Variants in SLCO2A1 observed in about 807,000 individuals in gnomAD.
SLCO2A1 encodes the protein matrin F/G 1.
In SLCO2A1, 60 loss-of-function variants were observed where a neutral mutation model predicts 71.7. The observed-to-expected ratio is 0.84, with a 90% CI of 0.68 to 1.04. The LOEUF is 1.04. Among genes scored for constraint, SLCO2A1 ranks in the 50% least tolerant of loss-of-function variants. The pLI, the probability that SLCO2A1 is intolerant of heterozygous loss-of-function variation, is 0.00. For missense variants in SLCO2A1, 745 were observed against 813.4 expected, an observed-to-expected ratio of 0.92 and a Z score of 1.02; for synonymous variants, 308 against 326.7, an observed-to-expected ratio of 0.94 and a Z score of 0.62.
chr3:133,977,213 T>C (rs1034248830), intron 2 of SLCO2A1, among the ~76,000 whole-genome samples: 1 of 152,196 alleles, frequency 6.6e-6, no homozygotes, highest in Non-Finnish European at 1.5e-5. Flanking sequence ...GAGTGAACTA[T>C]CTGATGATAT....
At chr3:133,997,029 G>C (rs1381905974) in intron 1 of SLCO2A1, among the ~76,000 whole-genome samples, 1 of 152,136 alleles carries the variant, frequency 6.6e-6, no homozygotes, top group African/African-American at 2.4e-5. Flanking sequence ...TGGATCATAA[G>C]AGGGTCACAT....
intron 1 of SLCO2A1, among the ~76,000 whole-genome samples, chr3:134,029,372 C>G (rs1212550830): frequency 6.6e-6 from 1 of 152,188 alleles, no homozygotes; most frequent in Non-Finnish European, 1.5e-5. Context: ...TTTCAATCAT[C>G]GAGGACAATT....
chr3:133,968,453 C>G (rs1174050358), intron 3 of SLCO2A1, among the ~76,000 whole-genome samples: 1 of 152,188 alleles, frequency 6.6e-6, no homozygotes, highest in Non-Finnish European at 1.5e-5. Context: ...CGGCCCTGTG[C>G]CTTCCCACCG....
intron 6 of SLCO2A1, among the ~76,000 whole-genome samples, chr3:133,949,719 C>T (rs778560847): frequency 5.3e-5 from 8 of 152,338 alleles, no homozygotes; most frequent in African/African-American, 7.2e-5. Context: ...TTCCTCACAA[C>T]GCTTTCCCAT....
rs146195307 is a variant in SLCO2A1 at position 133,947,260 on chromosome 3, G to T, written c.1291C>A (p.Pro431Thr). The stretch of plus-strand genomic sequence containing the variant: ...TCTACCCCTTATTCCCATTACCTAG[G>T]GGGGTAGACTTCGGCCACAGTTGGG... ...STPTVAEVYP[P>T]STSSSIHPQS... Residue 431 changes from proline (P) to threonine (T), a missense_variant, in exon 9 of 14, where the codon CCT (proline) becomes ACT (threonine). Coordinates refer to ENST00000310926, the MANE Select transcript of SLCO2A1 (RefSeq NM_005630.3). 204 of 1,613,724 alleles carry T rather than the reference G, an allele frequency of 1.3e-4. No homozygotes were observed. The African/African-American group carries it at 2.2e-3, about 18-fold the overall frequency.
At chr3:133,997,103 C>T (rs1254189037) in intron 1 of SLCO2A1, among the ~76,000 whole-genome samples, 2 of 152,102 alleles carry the variant, frequency 1.3e-5, no homozygotes, top group Admixed American at 1.3e-4. Context: ...CCTGAAGGGC[C>T]GCATCTCCTG....
intron 1 of SLCO2A1, among the ~76,000 whole-genome samples, chr3:134,010,081 AAGTGT>A (rs1264777959): frequency 2.6e-5 from 4 of 152,224 alleles, no homozygotes; most frequent in Non-Finnish European, 5.9e-5. Flanking sequence ...AAGAGGCCTC[AAGTGT>A]ATTTGCATTC....
chr3:133,951,839 T>C (rs1933753348), intron 5 of SLCO2A1, among the ~76,000 whole-genome samples: 1 of 152,206 alleles, frequency 6.6e-6, no homozygotes, highest in African/African-American at 2.4e-5. Flanking sequence ...TGTGTCTCCC[T>C]GGTATGCAAA....
intron 1 of SLCO2A1, among the ~76,000 whole-genome samples, chr3:134,002,758 C>A (rs555705379): frequency 5.9e-5 from 9 of 152,306 alleles, no homozygotes; most frequent in East Asian, 1.9e-4. Context: ...CTCCAGGCAC[C>A]GTACTTTAAG....
At chr3:133,973,441 A>C (rs958981296) in intron 3 of SLCO2A1, among the ~76,000 whole-genome samples, 2 of 152,224 alleles carry the variant, frequency 1.3e-5, no homozygotes, top group South Asian at 2.1e-4. Context: ...CATTCCTGGC[A>C]TGAAGCACAG....
chr3:134,011,107 A>G (rs188078980), intron 1 of SLCO2A1, among the ~76,000 whole-genome samples: 16 of 152,084 alleles, frequency 1.1e-4, no homozygotes, highest in South Asian at 1.0e-3. Context: ...CTGGAGTGCA[A>G]TGGCGCGATC....
At chr3:133,958,708 C>T (rs554698770) in intron 3 of SLCO2A1, among the ~76,000 whole-genome samples, 2 of 152,326 alleles carry the variant, frequency 1.3e-5, no homozygotes, top group African/African-American at 4.8e-5. Flanking sequence ...TTTGACCAAA[C>T]GGATGCATTT....
At chr3:134,010,616 T>C (rs1935315731) in intron 1 of SLCO2A1, among the ~76,000 whole-genome samples, 1 of 151,900 alleles carries the variant, frequency 6.6e-6, no homozygotes, top group Non-Finnish European at 1.5e-5. Flanking sequence ...TAGCTGGGCA[T>C]GGTGGCACGC....
intron 3 of SLCO2A1, among the ~76,000 whole-genome samples, chr3:133,957,628 C>T (rs1393045754): frequency 6.6e-6 from 1 of 152,162 alleles, no homozygotes; most frequent in Non-Finnish European, 1.5e-5. Flanking sequence ...GACATATGAG[C>T]TCTCTGACCT....
intron 3 of SLCO2A1, among the ~76,000 whole-genome samples, chr3:133,965,827 G>A (rs531948953): frequency 6.6e-6 from 1 of 152,094 alleles, no homozygotes; most frequent in South Asian, 2.1e-4. Flanking sequence ...AGGAAGCAAA[G>A]GCTCTGGGCT....
intron 11 of SLCO2A1, among the ~76,000 whole-genome samples, chr3:133,938,930 G>A (rs1576425033): frequency 6.6e-6 from 1 of 152,126 alleles, no homozygotes; most frequent in East Asian, 1.9e-4. Flanking sequence ...GATAGCAGCA[G>A]GTCTGAACAA....
rs758385584 is a variant in SLCO2A1 at position 133,979,543 on chromosome 3, T to C, written c.172A>G (p.Thr58Ala). The change falls in exon 2 of 14, where the codon ACC (threonine) becomes GCC (alanine). Residue 58 changes from threonine (T) to alanine (A), a missense_variant. Transcript: ENST00000310926. ...GAGAGCCCAAAGCGCTTCTCAATGG[T>C]GGTGAGGCTGCTCTTGAAGTAGGCG... is the stretch of plus-strand genomic sequence containing the variant. Reference protein sequence around the residue: ...YSAYFKSSLTTIEKRFGLSSS... With the variant: ...YSAYFKSSLTAIEKRFGLSSS... 57 of 1,613,942 alleles carry C rather than the reference T, an allele frequency of 3.5e-5. No individual in the cohort carries two copies. The highest frequency in any genetic ancestry group is 4.6e-5 in the Non-Finnish European group (54 of 1,179,986).
At position 134,004,354 on chromosome 3, in the gene SLCO2A1, G is replaced by A. The variant is rs1370246622; in HGVS notation, c.97-24736C>T. On this transcript the variant is annotated intron_variant, in intron 1 of 13. Coordinates refer to ENST00000310926, the MANE Select transcript of SLCO2A1 (RefSeq NM_005630.3). ...TTTTTTTTGTTTTGTTTTTGTTTTAGACGGAGTTTTGCTCTTGTCGCCCAG... is the reference window on the plus strand; with the variant it reads ...TTTTTTTTGTTTTGTTTTTGTTTTAAACGGAGTTTTGCTCTTGTCGCCCAG... Among the ~76,000 whole-genome samples, 5 of 152,122 alleles carry A rather than the reference G, an allele frequency of 3.3e-5. No homozygotes were observed. In the South Asian group the frequency reaches 6.2e-4, roughly 19 times the overall value.
intron 1 of SLCO2A1, among the ~76,000 whole-genome samples, chr3:134,006,638 AG>A (rs1935221991): frequency 6.6e-6 from 1 of 152,190 alleles, no homozygotes; most frequent in Admixed American, 6.5e-5. Context: ...TCTGTATTGT[AG>A]CATGTGTCAG....
Sources: allele counts gnomAD v4.1 joint callset (sites outside exome capture counted in the v4.1 genomes callset), GRCh38; gene constraint gnomAD v4.1.1; transcripts MANE v1.5; gene names NCBI Gene and HGNC (gene_info 2026-07-23, HGNC 2026-07-21).